CENPP: variants seen among roughly 807,000 people sequenced by gnomAD.
The protein encoded by CENPP is centromere protein P.
Under a neutral mutation model 35.6 loss-of-function variants are expected in CENPP, and 24 were observed. The observed-to-expected ratio is 0.67, with a 90% CI of 0.49 to 0.95. CENPP has a LOEUF of 0.95. Among genes scored for constraint, CENPP ranks in the 40% least tolerant of loss-of-function variants. CENPP has a pLI of 0.00. For missense variants in CENPP, 332 were observed against 345.3 expected (o/e 0.96, Z 0.31); for synonymous variants, 120 against 125.5 (o/e 0.96, Z 0.29).
At chr9:92,568,861 C>T (rs959138143) in intron 5 of CENPP, among the ~76,000 whole-genome samples, 6 of 152,138 alleles carry the variant, frequency 3.9e-5, no homozygotes, top group African/African-American at 1.4e-4. Flanking sequence ...TTTCATGTGT[C>T]TGTTGGCTGC....
Position 92,618,111 on chromosome 9 carries a change from G to C in CENPP, c.*4962G>C, listed in dbSNP as rs936070856. ...ACAGTTACTGGAACTTCACAGGTGC[G>C]GCCACTGCGCACACCTTCCTGGAAG... On this transcript the variant is annotated 3_prime_UTR_variant, in exon 8 of 8. Transcript: ENST00000375587. 2.5e-6 allele frequency: 1 copy of C among 393,912 alleles called. No homozygotes were observed. Among genetic ancestry groups the C allele is most frequent in the Non-Finnish European group, 5.1e-6 (1 of 196,024 alleles). The allele number at this position is 393,912 out of a possible 1,614,324, so 24.4% of individuals were successfully genotyped here.
rs118028985 is a variant in CENPP, at chr9:92,349,917, G to A, written c.467+4130G>A. Among the ~76,000 whole-genome samples, 251 of 152,146 alleles carry A rather than the reference G, an allele frequency of 1.6e-3. 2 individuals carry two copies. The highest frequency in any genetic ancestry group is 0.014 in the East Asian group (72 of 5,184). ...GAATGTAAGTTTTCTTTTCTCTAGG[G>A]TACATAACCAGAAGTGGAATTGCTG... On this transcript the variant is annotated intron_variant, in intron 4 of 7. Coordinates refer to ENST00000375587, the MANE Select transcript of CENPP (RefSeq NM_001012267.3).
chr9:92,574,910 C>T (rs1850242040), intron 5 of CENPP, among the ~76,000 whole-genome samples: 2 of 152,310 alleles, frequency 1.3e-5, no homozygotes, highest in South Asian at 4.1e-4. Context: ...AATGAACCCA[C>T]CCGTACTTAG....
At chr9:92,368,677 G>A (rs1371048720) in intron 4 of CENPP, among the ~76,000 whole-genome samples, 10 of 152,084 alleles carry the variant, frequency 6.6e-5, no homozygotes, top group Admixed American at 3.9e-4. Flanking sequence ...GGCTACTGAC[G>A]GGAATCAGCA....
At chr9:92,440,956 A>G (rs1420012122) in intron 5 of CENPP, among the ~76,000 whole-genome samples, 1 of 152,188 alleles carries the variant, frequency 6.6e-6, no homozygotes, top group Non-Finnish European at 1.5e-5. Context: ...CAATTTTACC[A>G]TAGGCTAATT....
intron 5 of CENPP, among the ~76,000 whole-genome samples, chr9:92,592,154 A>G (rs1324367335): frequency 6.6e-6 from 1 of 152,278 alleles, no homozygotes; most frequent in East Asian, 1.9e-4. Context: ...AAATGTATAC[A>G]CTTATACATT....
intron 5 of CENPP, among the ~76,000 whole-genome samples, chr9:92,451,012 G>T (rs1844692588): frequency 6.6e-6 from 1 of 151,896 alleles, no homozygotes; most frequent in Non-Finnish European, 1.5e-5. Context: ...TGTCAGATGA[G>T]TAGGTTGCAA....
intron 4 of CENPP, among the ~76,000 whole-genome samples, chr9:92,363,001 A>G (rs1425322849): frequency 2.6e-5 from 4 of 152,050 alleles, no homozygotes; most frequent in Non-Finnish European, 4.4e-5. Context: ...TCCTTATTAT[A>G]TTTTTGAGCA....
intron 4 of CENPP, among the ~76,000 whole-genome samples, chr9:92,356,860 C>T (rs946409306): frequency 7.2e-5 from 11 of 152,212 alleles, no homozygotes; most frequent in African/African-American, 2.7e-4. Context: ...TGTTCCTCTG[C>T]CGCAGCTCCA....
Position 92,474,521 on chromosome 9 carries a change from T to A in CENPP, c.564+94662T>A, listed in dbSNP as rs535881047. On this transcript the variant is annotated intron_variant, in intron 5 of 7. Transcript: ENST00000375587. ...TAAAAACTTAAATGAAAAAAACTTA[T>A]ACACTCAGATTATTTTTGAAATTTC... 31 of 1,463,486 alleles carry A rather than the reference T, an allele frequency of 2.1e-5. No homozygotes were observed. In the Admixed American group the frequency reaches 7.7e-4, roughly 36 times the overall value. 90.7% of individuals were successfully genotyped at this position (1,463,486 alleles called of 1,614,324 possible). A position where few individuals can be genotyped will look rare whatever the true frequency, so the allele number is the denominator to read the frequency against.
intron 5 of CENPP, among the ~76,000 whole-genome samples, chr9:92,461,208 A>T (rs1472824522): frequency 6.6e-6 from 1 of 152,120 alleles, no homozygotes; most frequent in Admixed American, 6.5e-5. Context: ...CATTTCTTCT[A>T]TAAATTCTTC....
chr9:92,396,639 CT>C (rs1172659060), intron 5 of CENPP, among the ~76,000 whole-genome samples: 1 of 151,092 alleles, frequency 6.6e-6, no homozygotes, highest in Non-Finnish European at 1.5e-5. Context: ...TCATGGTTCA[CT>C]GCAAACCTCG....
rs977361799 is a variant in CENPP, at chr9:92,593,196, T to A, written c.565-18118T>A. On this transcript the variant is annotated intron_variant, in intron 5 of 7. Coordinates refer to ENST00000375587, the MANE Select transcript of CENPP (RefSeq NM_001012267.3). The surrounding 1 kb of genome is among the most constrained non-coding windows in gnomAD (Gnocchi z 4.1). ...GTGTAAGATGCTGAGAGTGCTGTGATGAGGTGAGCCAGCTCCTGGGCAAAG... is the reference window on the plus strand; with the variant it reads ...GTGTAAGATGCTGAGAGTGCTGTGAAGAGGTGAGCCAGCTCCTGGGCAAAG... Among the ~76,000 whole-genome samples, 1 of 152,206 alleles carries A rather than the reference T, an allele frequency of 6.6e-6. No homozygotes were observed. The highest frequency in any genetic ancestry group is 2.4e-5 in the African/African-American group (1 of 41,446).
intron 5 of CENPP, among the ~76,000 whole-genome samples, chr9:92,576,830 G>A (rs1406340365): frequency 6.6e-6 from 1 of 152,128 alleles, no homozygotes; most frequent in Non-Finnish European, 1.5e-5. Flanking sequence ...CAGTAAATAA[G>A]TAGTATGTAT....
At chr9:92,347,869 T>G (rs1206918440) in intron 4 of CENPP, among the ~76,000 whole-genome samples, 1 of 152,216 alleles carries the variant, frequency 6.6e-6, no homozygotes, top group Non-Finnish European at 1.5e-5. Context: ...GTTACTATGT[T>G]TGCCTTAGAC....
intron 5 of CENPP, among the ~76,000 whole-genome samples, chr9:92,525,912 A>AAAT (rs1848374992): frequency 6.6e-6 from 1 of 151,622 alleles, no homozygotes; most frequent in Non-Finnish European, 1.5e-5. Flanking sequence ...AAAAAAAAAA[A>AAAT]AAAGCACATA....
intron 5 of CENPP, among the ~76,000 whole-genome samples, chr9:92,490,815 A>G (rs1188072988): frequency 2.6e-5 from 4 of 152,236 alleles, no homozygotes; most frequent in Admixed American, 6.5e-5. Context: ...CAGAAATGTT[A>G]ATAACATAAA....
intron 5 of CENPP, among the ~76,000 whole-genome samples, chr9:92,566,821 T>C (rs1460294341): frequency 6.6e-6 from 1 of 152,154 alleles, no homozygotes; most frequent in Non-Finnish European, 1.5e-5. Context: ...GAAGAATTAA[T>C]GGCTGAAAAC....
intron 5 of CENPP, among the ~76,000 whole-genome samples, chr9:92,508,551 G>C (rs769628674): frequency 4.6e-5 from 7 of 152,210 alleles, no homozygotes; most frequent in Non-Finnish European, 1.0e-4. Context: ...TATACAGCCT[G>C]TTAGTACAGT....
Sources: allele counts gnomAD v4.1 joint callset (sites outside exome capture counted in the v4.1 genomes callset), GRCh38; gene constraint gnomAD v4.1.1; non-coding constraint Gnocchi (gnomAD v3.1); transcripts MANE v1.5; gene names NCBI Gene and HGNC (gene_info 2026-07-23, HGNC 2026-07-21).